Variants in STX5 observed in about 807,000 individuals in gnomAD.
STX5 encodes syntaxin-5.
In STX5, 15 loss-of-function variants were observed where a neutral mutation model predicts 42.9. The ratio of observed to expected loss-of-function variants is 0.35; its 90% CI spans 0.23 to 0.54. The LOEUF (loss-of-function observed/expected upper bound fraction) is 0.54, where lower values mean the gene tolerates loss of function less well. Among genes scored for constraint, STX5 ranks in the 20% least tolerant of loss-of-function variants. The pLI, the probability that STX5 is intolerant of heterozygous loss-of-function variation, is 0.91. For missense variants in STX5, 430 were observed against 455.0 expected (o/e 0.95, Z 0.50); for synonymous variants, 184 against 173.2 (o/e 1.06, Z -0.49).
rs2084565710 is a variant in STX5 at position 62,807,537 on chromosome 11, A to T, written c.1000T>A (p.Trp334Arg). The T allele has an allele frequency of 6.2e-7, 1 of 1,614,050 alleles. No homozygotes were observed. The highest frequency in any genetic ancestry group is 1.3e-5 in the African/African-American group (1 of 74,928). Reference sequence around the variant, plus strand: ...ATGAGGAAGATTTTGACCATGAGCCACCGGTTGGAGGTGACAGACTGGAAG... The same window carrying T: ...ATGAGGAAGATTTTGACCATGAGCCTCCGGTTGGAGGTGACAGACTGGAAG... The part of the protein sequence containing the change: ...KYFQSVTSNR[W>R]LMVKIFLILI... Residue 334 changes from tryptophan (W) to arginine (R), a missense_variant, in exon 11 of 11, where the codon TGG becomes AGG. Coordinates refer to ENST00000294179, the MANE Select transcript of STX5 (RefSeq NM_003164.5).
intron 10 of STX5, among the ~76,000 whole-genome samples, chr11:62,812,713 G>A (rs989786944): frequency 1.3e-5 from 2 of 151,696 alleles, no homozygotes; most frequent in Admixed American, 6.6e-5. Flanking sequence ...GAGCCACCAC[G>A]CCCAGACTTA....
At chr11:62,820,173 A>G (rs899335103) in intron 10 of STX5, among the ~76,000 whole-genome samples, 15 of 151,370 alleles carry the variant, frequency 9.9e-5, no homozygotes, top group Non-Finnish European at 2.1e-4. Context: ...GATCGAGACC[A>G]TCCTGGCTAA....
chr11:62,820,023 C>T (rs1196723685), intron 10 of STX5, among the ~76,000 whole-genome samples: 1 of 151,306 alleles, frequency 6.6e-6, no homozygotes, highest in East Asian at 2.0e-4. Flanking sequence ...AGTTGTTGAA[C>T]AGGAATATGG....
intron 2 of STX5, among the ~76,000 whole-genome samples, chr11:62,828,416 A>G (rs1363107005): frequency 6.6e-6 from 1 of 152,194 alleles, no homozygotes; most frequent in African/African-American, 2.4e-5. Flanking sequence ...TCCAGCCATC[A>G]GTAAAAATAT....
Position 62,827,413 on chromosome 11 carries a change from T to C in STX5, c.297-15A>G, listed in dbSNP as rs777351460. 2 of 1,614,140 alleles carry C rather than the reference T, an allele frequency of 1.2e-6. No homozygotes were observed. ...TCCCAATGCGCCTGCAAATGACCACTAGTCAGACTGTGGGAAAGGGCAGGA... is the reference window on the plus strand; with the variant it reads ...TCCCAATGCGCCTGCAAATGACCACCAGTCAGACTGTGGGAAAGGGCAGGA... On this transcript the variant is annotated splice_polypyrimidine_tract_variant and intron_variant, in intron 3 of 10. Coordinates refer to ENST00000294179, the MANE Select transcript of STX5 (RefSeq NM_003164.5).
rs2084562114 is a variant in STX5 at position 62,807,296 on chromosome 11, C to G, written c.*173G>C. 29 of 962,256 alleles carry G rather than the reference C, an allele frequency of 3.0e-5. No homozygotes were observed. The South Asian group carries it at 5.3e-4, about 18-fold the overall frequency. The allele number at this position is 962,256 out of a possible 1,614,324, so 59.6% of individuals were successfully genotyped here. A position where few individuals can be genotyped will look rare whatever the true frequency, so the allele number is the denominator to read the frequency against. ...AGGCCTGAGGGTGGTGGGGGGAGGA[C>G]AGGGTGGCCAGAGGCAAGGGGTGGG... On this transcript the variant is annotated 3_prime_UTR_variant, in exon 11 of 11. Coordinates refer to ENST00000294179, the MANE Select transcript of STX5 (RefSeq NM_003164.5).
intron 10 of STX5, among the ~76,000 whole-genome samples, chr11:62,816,408 A>C (rs1185389371): frequency 3.3e-5 from 5 of 152,186 alleles, no homozygotes; most frequent in South Asian, 2.1e-4. Flanking sequence ...TGAGCCTCCT[A>C]AATAGCTAGG....
rs769176566 is a variant in STX5, at chr11:62,825,359, G to T, written c.541-20C>A. The T allele has an allele frequency of 4.3e-6, 7 of 1,614,088 alleles. No homozygotes were observed. Among genetic ancestry groups the T allele is most frequent in the Non-Finnish European group, 8.5e-7 (1 of 1,180,028 alleles). ...TTTCGACTAGAAGAAAAGGAGAGAG[G>T]GTCAACCAAAGAAGGCTCCACATTC... On this transcript the variant is annotated intron_variant, in intron 6 of 10. Coordinates refer to ENST00000294179, the MANE Select transcript of STX5 (RefSeq NM_003164.5).
chr11:62,807,986 C>T (rs1384799889), intron 10 of STX5: 1 of 229,882 alleles, frequency 4.4e-6, no homozygotes. Context: ...ACAATTTTTC[C>T]TCATCAGTAT....
Position 62,825,018 on chromosome 11 carries a change from G to A in STX5, c.679+18C>T, listed in dbSNP as rs371143572. ...GTAACCTTACCTCCCAGGGCTCCCC[G>A]TTTTACCTGTGACTTACCCAGGTGG... is the stretch of plus-strand genomic sequence containing the variant. On this transcript the variant is annotated intron_variant, in intron 8 of 10. Coordinates refer to ENST00000294179, the MANE Select transcript of STX5 (RefSeq NM_003164.5). The A allele has an allele frequency of 2.4e-5, 39 of 1,613,166 alleles. No individual in the cohort carries two copies. The highest frequency in any genetic ancestry group is 4.5e-5 in the East Asian group (2 of 44,894).
At chr11:62,816,231 A>G (rs114010591) in intron 10 of STX5, among the ~76,000 whole-genome samples, 320 of 152,288 alleles carry the variant, frequency 2.1e-3, no homozygotes, top group African/African-American at 7.3e-3. Context: ...GGTTGCAGCT[A>G]TATTAGTGTT....
intron 10 of STX5, among the ~76,000 whole-genome samples, chr11:62,821,048 AC>A: frequency 6.6e-6 from 1 of 151,992 alleles, no homozygotes; most frequent in Non-Finnish European, 1.5e-5. Context: ...GGTGGCTCAC[AC>A]CTGTAATCCT....
chr11:62,831,438 T>C (rs2084862223), intron 1 of STX5, among the ~76,000 whole-genome samples, 176 bp from the exon 2 acceptor site: 1 of 151,942 alleles, frequency 6.6e-6, no homozygotes, highest in South Asian at 2.1e-4. Context: ...TTTTCCCCTG[T>C]CCCAAGTCGA....
At chr11:62,809,142 G>C (rs2084586572) in intron 10 of STX5, among the ~76,000 whole-genome samples, 1 of 151,858 alleles carries the variant, frequency 6.6e-6, no homozygotes, top group Non-Finnish European at 1.5e-5. Context: ...CAAAAAATTA[G>C]CCGGGCATGG....
intron 10 of STX5, among the ~76,000 whole-genome samples, chr11:62,818,555 C>G (rs537772236): frequency 2.2e-5 from 3 of 137,802 alleles, no homozygotes; most frequent in Admixed American, 2.1e-4. Context: ...AGAGCAAAAA[C>G]TCTGTCTCAG....
At chr11:62,822,132 G>T (rs1464541643) in intron 10 of STX5, among the ~76,000 whole-genome samples, 1 of 152,190 alleles carries the variant, frequency 6.6e-6, no homozygotes, top group Non-Finnish European at 1.5e-5. Flanking sequence ...GGAGGCCAAG[G>T]TGGACAGGTT....
intron 10 of STX5, 172 bp downstream of exon 10, chr11:62,823,994 A>G: frequency 2.1e-6 from 2 of 975,450 alleles, no homozygotes; most frequent in South Asian, 3.1e-5. Context: ...TCACATGAAC[A>G]GGTGCTCAAT....
At position 62,829,061 on chromosome 11, in the gene STX5, A is replaced by AAAACAAAC. The variant is rs199811303; in HGVS notation, c.226-1438_226-1431dup. Among the ~76,000 whole-genome samples, 624 of 150,924 alleles carry AAAACAAAC rather than the reference A, an allele frequency of 4.1e-3. 1 individual carries two copies. Among genetic ancestry groups the AAAACAAAC allele is most frequent in the Middle Eastern group, 0.01 (3 of 294 alleles). ...CTGGCAACAAAGAGAGACTGTCTCA[A>AAAACAAAC]AAACAAACAAACAAACAAACAAACA... On this transcript the variant is annotated intron_variant, in intron 2 of 10. Transcript: ENST00000294179.
In STX5 at chr11:62,826,427, C is replaced by T. The variant is rs568707019; in HGVS notation, c.423+728G>A. Among the ~76,000 whole-genome samples the T allele has an allele frequency of 1.0e-4, 15 of 150,504 alleles. No individual in the cohort carries two copies. In the East Asian group the frequency reaches 1.8e-3, roughly 18 times the overall value. On this transcript the variant is annotated intron_variant, in intron 5 of 10. Coordinates refer to ENST00000294179, the MANE Select transcript of STX5 (RefSeq NM_003164.5). ...ACAAAATTAGCCGGGCGCGGTGGCA[C>T]GTGCCTGTAATCCCAGCTATTCGGG...
Sources: gnomAD v4.1 joint callset for allele counts (sites outside exome capture counted in the v4.1 genomes callset) on GRCh38, gnomAD v4.1.1 for gene constraint, MANE v1.5 for transcripts, NCBI Gene and HGNC (gene_info 2026-07-23, HGNC 2026-07-21) for gene names.